GLI2: variants seen among roughly 807,000 people sequenced by gnomAD.
The protein encoded by GLI2 is transcription activator GLI2.
GLI2 carries 22 observed loss-of-function variants against 78.9 expected under a neutral mutation model. The observed-to-expected ratio is 0.28, with a 90% confidence interval of 0.20 to 0.40. The LOEUF (loss-of-function observed/expected upper bound fraction) is 0.40, where lower values mean the gene tolerates loss of function less well. Ranked by LOEUF, GLI2 falls within the 10% of genes least tolerant of loss-of-function variation. The pLI, the probability that GLI2 is intolerant of heterozygous loss-of-function variation, is 1.00. For missense variants in GLI2, 2,097 were observed against 2,213.2 expected, an observed-to-expected ratio of 0.95 and a Z score of 1.05; for synonymous variants, 974 against 963.7, an observed-to-expected ratio of 1.01 and a Z score of -0.20.
chr2:120,870,761 A>G (rs1009083701), intron 2 of GLI2, among the ~76,000 whole-genome samples: 2 of 152,130 alleles, frequency 1.3e-5, no homozygotes, highest in Non-Finnish European at 2.9e-5. Context: ...GTGATTTTCC[A>G]CAGGTCATAT....
intron 2 of GLI2, chr2:120,866,501 AT>A (rs1300605557): frequency 6.6e-6 from 1 of 152,266 alleles, no homozygotes; most frequent in Non-Finnish European, 1.5e-5. Context: ...TTGAGATCAG[AT>A]GCAAAAGAAG....
chr2:120,742,829 T>C (rs1031630399), intron 1 of GLI2, among the ~76,000 whole-genome samples: 13 of 152,258 alleles, frequency 8.5e-5, no homozygotes, highest in South Asian at 2.1e-4. Context: ...TTAGCTGCCA[T>C]CATGAATTAA....
intron 2 of GLI2, among the ~76,000 whole-genome samples, chr2:120,863,278 C>T (rs1289563241): frequency 6.6e-6 from 1 of 152,240 alleles, no homozygotes; most frequent in Non-Finnish European, 1.5e-5. Flanking sequence ...CCCCTCAGGA[C>T]CCTTGCATGC....
intron 2 of GLI2, among the ~76,000 whole-genome samples, chr2:120,916,546 C>T (rs951929616): frequency 6.6e-6 from 1 of 152,262 alleles, no homozygotes; most frequent in African/African-American, 2.4e-5. Flanking sequence ...CGCTGAATCC[C>T]GCAGGGTCAG....
intron 1 of GLI2, among the ~76,000 whole-genome samples, chr2:120,795,864 A>G (rs1052714473): frequency 2.0e-5 from 3 of 152,152 alleles, no homozygotes; most frequent in African/African-American, 7.2e-5. Context: ...AGCCTGACCA[A>G]CATGGAGAAA....
intron 4 of GLI2, among the ~76,000 whole-genome samples, chr2:120,952,847 G>A (rs1286102732): frequency 6.6e-6 from 1 of 152,232 alleles, no homozygotes; most frequent in Non-Finnish European, 1.5e-5. Flanking sequence ...GATTATAGGT[G>A]TGAGCCACCA....
intron 2 of GLI2, among the ~76,000 whole-genome samples, chr2:120,878,944 C>A (rs557975190): frequency 6.6e-6 from 1 of 151,428 alleles, no homozygotes; most frequent in Non-Finnish European, 1.5e-5. Context: ...AAAAAAAAAT[C>A]TTTCTTCTGG....
intron 2 of GLI2, among the ~76,000 whole-genome samples, chr2:120,809,682 G>A (rs762100112): frequency 2.0e-5 from 3 of 152,172 alleles, no homozygotes; most frequent in Non-Finnish European, 2.9e-5. Context: ...CTTGTGCACC[G>A]CTACCCCTCA....
intron 2 of GLI2, among the ~76,000 whole-genome samples, chr2:120,881,337 G>T (rs1302179155): frequency 6.7e-6 from 1 of 150,260 alleles, no homozygotes. Flanking sequence ...GAGGACAGGT[G>T]GGGAGGAGGA....
chr2:120,958,223 G>A (rs1198923679), intron 5 of GLI2, among the ~76,000 whole-genome samples: 1 of 152,184 alleles, frequency 6.6e-6, no homozygotes, highest in Non-Finnish European at 1.5e-5. Context: ...TGACTGAGAT[G>A]GCACATGTGA....
intron 2 of GLI2, among the ~76,000 whole-genome samples, chr2:120,837,851 C>T (rs569078682): frequency 3.9e-5 from 6 of 152,088 alleles, no homozygotes; most frequent in Admixed American, 2.6e-4. Flanking sequence ...TTCCTTTGGT[C>T]TATTAGTTTC....
intron 2 of GLI2, among the ~76,000 whole-genome samples, chr2:120,849,233 A>G (rs1188894354): frequency 6.6e-6 from 1 of 152,228 alleles, no homozygotes; most frequent in Non-Finnish European, 1.5e-5. Context: ...GTTTGGGAAG[A>G]TGGAAAAGTT....
chr2:120,738,602 T>G (rs534351841), intron 1 of GLI2, among the ~76,000 whole-genome samples: 1 of 152,190 alleles, frequency 6.6e-6, no homozygotes. Context: ...CAGCCTTCAG[T>G]TGGGCTAGCA....
At chr2:120,770,934 T>C (rs1173749332) in intron 1 of GLI2, among the ~76,000 whole-genome samples, 1 of 152,166 alleles carries the variant, frequency 6.6e-6, no homozygotes, top group Admixed American at 6.5e-5. Flanking sequence ...CGAGCCTGAG[T>C]TAACTCTTTG....
chr2:120,883,792 GT>G (rs1465336555), intron 2 of GLI2, among the ~76,000 whole-genome samples: 3 of 152,216 alleles, frequency 2.0e-5, no homozygotes, highest in Non-Finnish European at 4.4e-5. Flanking sequence ...GCAATGATAG[GT>G]AGCCTCTGGC....
intron 10 of GLI2, 123 bp from the exon 11 acceptor site, chr2:120,982,593 G>A (rs1315060369): frequency 4.6e-5 from 34 of 735,790 alleles, no homozygotes; most frequent in Non-Finnish European, 7.8e-5. Flanking sequence ...TCCTTAAAAT[G>A]CATGCTTCTG....
chr2:120,809,456 C>T (rs1685126718), intron 2 of GLI2, among the ~76,000 whole-genome samples: 1 of 152,084 alleles, frequency 6.6e-6, no homozygotes, highest in African/African-American at 2.4e-5. Context: ...GTTGCAACAG[C>T]TCTGTGAATG....
chr2:120,776,427 T>C (rs919864170), intron 1 of GLI2, among the ~76,000 whole-genome samples: 3 of 152,170 alleles, frequency 2.0e-5, no homozygotes, highest in Non-Finnish European at 4.4e-5. Flanking sequence ...CTGCTTGCTC[T>C]GGCGTGTTTG....
chr2:120,770,903 C>T (rs538934103), intron 1 of GLI2, among the ~76,000 whole-genome samples: 11 of 152,322 alleles, frequency 7.2e-5, no homozygotes, highest in South Asian at 2.1e-4. Flanking sequence ...ACACCGTCCA[C>T]GCCCTTAGAC....
Sources: allele counts gnomAD v4.1 joint callset (sites outside exome capture counted in the v4.1 genomes callset), GRCh38; gene constraint gnomAD v4.1.1; transcripts MANE v1.5; gene names NCBI Gene and HGNC (gene_info 2026-07-23, HGNC 2026-07-21).